The following SMG6 variants were observed in gnomAD, a reference collection of about 807,000 sequenced individuals.
SMG6 encodes SMG6 nonsense mediated mRNA decay factor, also known as telomerase-binding protein EST1A.
In SMG6, 66 loss-of-function variants were observed where a neutral mutation model predicts 142.2. The observed-to-expected ratio is 0.46, with a 90% CI of 0.38 to 0.57. SMG6 has a LOEUF of 0.57. Among genes scored for constraint, SMG6 ranks in the 20% least tolerant of loss-of-function variants. The probability of loss-of-function intolerance (pLI) is 0.00; values close to 1 mark genes in which losing one functional copy is unlikely to be tolerated. For synonymous variants in SMG6, 779 were observed against 702.4 expected, an observed-to-expected ratio of 1.11 and a Z score of -1.72; for missense variants, 1,793 against 1,832.0, an observed-to-expected ratio of 0.98 and a Z score of 0.39.
At chr17:2,277,935 C>T (rs1169677030) in intron 8 of SMG6, among the ~76,000 whole-genome samples, 1 of 152,104 alleles carries the variant, frequency 6.6e-6, no homozygotes, top group Non-Finnish European at 1.5e-5. Context: ...GCAGTCCCAG[C>T]TACTCAGAAG....
Position 2,277,172 on chromosome 17 carries a change from ATT to A in SMG6, c.2661+5473_2661+5474del, listed in dbSNP as rs764360988. ...TTATTTATTTATTTATTTATTTTTT[ATT>A]TTTTTTTTTTTTGAGACAGAGTCTC... On this transcript the variant is annotated intron_variant, in intron 8 of 18. Coordinates refer to ENST00000263073, the MANE Select transcript of SMG6 (RefSeq NM_017575.5). Among the ~76,000 whole-genome samples, 283 of 50,294 alleles carry A rather than the reference ATT, an allele frequency of 5.6e-3. 3 individuals are homozygous for A. Among genetic ancestry groups the A allele is most frequent in the Non-Finnish European group, 0.011 (222 of 20,890 alleles). The allele number at this position is 50,294 out of a possible 152,430, so 33.0% of individuals were successfully genotyped here.
chr17:2,202,757 T>A (rs566367344), intron 10 of SMG6, among the ~76,000 whole-genome samples: 1 of 152,224 alleles, frequency 6.6e-6, no homozygotes, highest in African/African-American at 2.4e-5. Flanking sequence ...TTGGCACTGA[T>A]AACCTGCTTT....
intron 10 of SMG6, among the ~76,000 whole-genome samples, chr17:2,226,772 A>G (rs2073333057): frequency 6.6e-6 from 1 of 151,728 alleles, no homozygotes; most frequent in South Asian, 2.1e-4. Flanking sequence ...GTGAGTACCT[A>G]TAGTCCCAGC....
intron 10 of SMG6, among the ~76,000 whole-genome samples, chr17:2,216,598 T>C (rs1444187090): frequency 6.6e-6 from 1 of 152,212 alleles, no homozygotes; most frequent in Non-Finnish European, 1.5e-5. Context: ...TCTTTATACA[T>C]TTTCAGACCT....
In SMG6 at chr17:2,152,557, C is replaced by T. The variant is rs540577685; in HGVS notation, c.3357+20101G>A. On this transcript the variant is annotated intron_variant, in intron 13 of 18. Coordinates refer to ENST00000263073, the MANE Select transcript of SMG6 (RefSeq NM_017575.5). ...GCAAAAGATGTGAATAGACACTTCA[C>T]CAAAGAAGATACACAGATGACAAAT... 2.6e-5 allele frequency among the ~76,000 whole-genome samples: 4 copies of T among 152,216 alleles called. No individual in the cohort carries two copies. In the South Asian group the frequency reaches 8.3e-4, roughly 32 times the overall value.
At position 2,172,872 on chromosome 17, in the gene SMG6, A is replaced by C; in HGVS notation, c.3156-13T>G. ...ATCCACAGCAACACTGTGAGAAATA[A>C]GGTAAGAAAAGAGCAGCTCTAAAGA... On this transcript the variant is annotated splice_polypyrimidine_tract_variant and intron_variant, in intron 12 of 18. Coordinates refer to ENST00000263073, the MANE Select transcript of SMG6 (RefSeq NM_017575.5). 1 of 1,613,312 alleles carries C rather than the reference A, an allele frequency of 6.2e-7. No homozygotes were observed. The highest frequency in any genetic ancestry group is 8.5e-7 in the Non-Finnish European group (1 of 1,179,244).
intron 13 of SMG6, among the ~76,000 whole-genome samples, chr17:2,096,448 A>G (rs1165415961): frequency 6.6e-6 from 1 of 152,174 alleles, no homozygotes; most frequent in Non-Finnish European, 1.5e-5. Context: ...ACCTCAGGTG[A>G]TCCACCTGCC....
Position 2,299,193 on chromosome 17 carries a change from A to G in SMG6, c.1560T>C (p.Tyr520=). 6.2e-7 allele frequency: 1 copy of G among 1,613,524 alleles called. No individual in the cohort carries two copies. The highest frequency in any genetic ancestry group is 8.5e-7 in the Non-Finnish European group (1 of 1,179,732). ...YPRTPGPASQ[Y]PYTGYNPLQY... is the part of the protein sequence containing the mutation. ...GTAGAGGGTTATAGCCCGTATAGGG[A>G]TACTGGGAGGCAGGGCCTGGTGTCC... The change falls in exon 2 of 19, where the codon TAT becomes TAC. Residue 520 remains tyrosine, a synonymous_variant. Coordinates refer to ENST00000263073, the MANE Select transcript of SMG6 (RefSeq NM_017575.5). The surrounding 1 kb of genome is among the most constrained non-coding windows in gnomAD (Gnocchi z 4.3).
At chr17:2,146,955 C>T (rs755467701) in intron 13 of SMG6, among the ~76,000 whole-genome samples, 1 of 152,162 alleles carries the variant, frequency 6.6e-6, no homozygotes, top group Non-Finnish European at 1.5e-5. Flanking sequence ...CTGGGTAGGG[C>T]AGTTAGGGGT....
chr17:2,135,284 G>C (rs939411495), intron 13 of SMG6, among the ~76,000 whole-genome samples: 2 of 152,204 alleles, frequency 1.3e-5, no homozygotes, highest in African/African-American at 2.4e-5. Context: ...ATTGGACTAT[G>C]TAACACATTC....
At position 2,085,384 on chromosome 17, in the gene SMG6, T is replaced by C. The variant is rs80036981; in HGVS notation, c.3534+341A>G. Among the ~76,000 whole-genome samples the C allele has an allele frequency of 6.5e-3, 986 of 152,282 alleles. 12 individuals carry two copies. The highest frequency in any genetic ancestry group is 0.02 in the African/African-American group (838 of 41,534). ...GCTGGAGTTCAGGCCTGTGCTGCATTGGGCTCCACACATCTATAAACTTGA... is the reference window on the plus strand; with the variant it reads ...GCTGGAGTTCAGGCCTGTGCTGCATCGGGCTCCACACATCTATAAACTTGA... On this transcript the variant is annotated intron_variant, in intron 14 of 18. Coordinates refer to ENST00000263073, the MANE Select transcript of SMG6 (RefSeq NM_017575.5). This position sits in a 1 kb window ranked among gnomAD's most constrained non-coding sequence, Gnocchi z 4.1.
chr17:2,209,470 C>T (rs2072784446), intron 10 of SMG6, among the ~76,000 whole-genome samples: 1 of 152,182 alleles, frequency 6.6e-6, no homozygotes, highest in African/African-American at 2.4e-5. Context: ...TCAAGCGATT[C>T]TCCTGCCTCA....
At chr17:2,155,341 C>A (rs765929530) in intron 13 of SMG6, among the ~76,000 whole-genome samples, 25 of 152,022 alleles carry the variant, frequency 1.6e-4, no homozygotes, top group Non-Finnish European at 3.2e-4. Flanking sequence ...GGATTATAGG[C>A]GTGAGCCACG....
chr17:2,137,212 A>AG (rs2070332223), intron 13 of SMG6, among the ~76,000 whole-genome samples: 1 of 152,154 alleles, frequency 6.6e-6, no homozygotes, highest in African/African-American at 2.4e-5. Flanking sequence ...GCAGGTTACT[A>AG]ACCACGGAAC....
At chr17:2,230,140 C>A (rs1374171743) in intron 10 of SMG6, among the ~76,000 whole-genome samples, 2 of 124,702 alleles carry the variant, frequency 1.6e-5, no homozygotes, top group African/African-American at 3.0e-5. Context: ...GAGCTGAGAT[C>A]GTGCCACTGC....
At chr17:2,277,159 TTA>T (rs2074671934) in intron 8 of SMG6, among the ~76,000 whole-genome samples, 2 of 59,180 alleles carry the variant, frequency 3.4e-5, no homozygotes, top group Non-Finnish European at 6.9e-5. Context: ...ATTTATTTAT[TTA>T]TTTATTTTTT....
chr17:2,284,979 A>G (rs1488960865), intron 6 of SMG6, among the ~76,000 whole-genome samples: 2 of 152,148 alleles, frequency 1.3e-5, no homozygotes, highest in African/African-American at 2.4e-5. Context: ...CATATGAAAA[A>G]ATTTCCAAAA....
intron 15 of SMG6, among the ~76,000 whole-genome samples, chr17:2,074,860 A>T (rs1002813155): frequency 1.3e-5 from 2 of 152,222 alleles, no homozygotes; most frequent in African/African-American, 2.4e-5. Flanking sequence ...AGGGAGGGGC[A>T]GGGCTAAGCA....
At chr17:2,064,629 T>C (rs879598097) in intron 18 of SMG6, among the ~76,000 whole-genome samples, 10 of 151,490 alleles carry the variant, frequency 6.6e-5, no homozygotes, top group Non-Finnish European at 1.2e-4. Flanking sequence ...ACAGAGAAGG[T>C]AGGAAGGTAA....
Sources: gnomAD v4.1 joint callset for allele counts (sites outside exome capture counted in the v4.1 genomes callset) on GRCh38, gnomAD v4.1.1 for gene constraint, Gnocchi (gnomAD v3.1) non-coding constraint, MANE v1.5 for transcripts, NCBI Gene and HGNC (gene_info 2026-07-23, HGNC 2026-07-21) for gene names.